Variants in MRTFB observed in about 807,000 individuals in gnomAD.
MRTFB encodes myocardin related transcription factor B.
Under a neutral mutation model 104.2 loss-of-function variants are expected in MRTFB, and 29 were observed. The ratio of observed to expected loss-of-function variants is 0.28; its 90% CI spans 0.21 to 0.38. The LOEUF is 0.38. Among genes scored for constraint, MRTFB ranks in the 10% least tolerant of loss-of-function variants. MRTFB has a pLI of 1.00. For missense variants in MRTFB, 1,270 were observed against 1,341.6 expected, an observed-to-expected ratio of 0.95 and a Z score of 0.83; for synonymous variants, 535 against 519.5, an observed-to-expected ratio of 1.03 and a Z score of -0.41.
At chr16:14,061,913 C>T in the MRTFB span, among the ~76,000 whole-genome samples, 1 of 152,098 alleles carries the variant, frequency 6.6e-6, no homozygotes. Flanking sequence ...CCAGAAATTG[C>T]TCCCTTCCTC....
intron 3 of MRTFB, chr16:14,142,605 A>G (rs1051271139): frequency 6.6e-6 from 1 of 152,234 alleles, no homozygotes; most frequent in African/African-American, 2.4e-5. Context: ...GAGAGAATAT[A>G]GCCATATTTA....
the MRTFB span, among the ~76,000 whole-genome samples, chr16:14,005,905 A>C: frequency 6.6e-6 from 1 of 152,214 alleles, no homozygotes; most frequent in African/African-American, 2.4e-5. Context: ...TTCCACTGCC[A>C]AGCTTAAGAA....
chr16:14,257,000 A>G (rs532671942), intron 15 of MRTFB, among the ~76,000 whole-genome samples: 1 of 152,364 alleles, frequency 6.6e-6, no homozygotes, highest in South Asian at 2.1e-4. Flanking sequence ...GCTCAACATC[A>G]TTAGTCATTA....
At chr16:14,174,890 G>T (rs1333334212) in intron 3 of MRTFB, among the ~76,000 whole-genome samples, 2 of 152,160 alleles carry the variant, frequency 1.3e-5, no homozygotes, top group African/African-American at 4.8e-5. Flanking sequence ...AGTTATTACA[G>T]GTGGGATTTA....
chr16:14,185,769 C>T (rs745415224), intron 3 of MRTFB, among the ~76,000 whole-genome samples: 21 of 151,886 alleles, frequency 1.4e-4, no homozygotes, highest in Non-Finnish European at 2.6e-4. Flanking sequence ...GAACTCTTTG[C>T]AAAGGAACAC....
the MRTFB span, among the ~76,000 whole-genome samples, chr16:14,033,419 T>C: frequency 5.9e-5 from 9 of 151,958 alleles, no homozygotes; most frequent in African/African-American, 1.9e-4. Context: ...TGGTGGCACA[T>C]GCCTGCGGTC....
chr16:14,251,726 C>G (rs2043264515), intron 13 of MRTFB, 136 bp from the exon 14 acceptor site: 2 of 869,148 alleles, frequency 2.3e-6, no homozygotes, highest in Admixed American at 2.5e-5. Flanking sequence ...GCCAGGTGAC[C>G]CACAAATCAT....
intron 3 of MRTFB, among the ~76,000 whole-genome samples, chr16:14,157,708 G>A (rs1467595049): frequency 6.6e-6 from 1 of 152,164 alleles, no homozygotes; most frequent in Non-Finnish European, 1.5e-5. Context: ...AGGAACTATT[G>A]AGTTTGGTTC....
the MRTFB span, among the ~76,000 whole-genome samples, chr16:14,033,891 A>G: frequency 6.6e-6 from 1 of 152,026 alleles, no homozygotes; most frequent in Non-Finnish European, 1.5e-5. Context: ...AGAAATAAAA[A>G]CTGTGTGGTG....
At position 14,248,975 on chromosome 16, in the gene MRTFB, C is replaced by G; in HGVS notation, c.2297C>G (p.Ala766Gly). ...ACTCAGCCTCAGATAGCAACTGCTG[C>G]ACAAATACCAACTGCTGCCTTGGCC... ...MQTQPQIATA[A>G]QIPTAALASG... The change falls in exon 13 of 17, where the codon GCA becomes GGA. Residue 766 changes from alanine (A) to glycine (G), a missense_variant. Around this residue, in one of 3 missense-constraint regions of MRTFB, gnomAD observed 1,144 missense variants for 1,131.5 expected, o/e 1.01. Transcript: ENST00000571589. 4 of 1,614,182 alleles carry G rather than the reference C, an allele frequency of 2.5e-6. No homozygotes were observed. In the Middle Eastern group the frequency reaches 6.6e-4, roughly 266 times the overall value.
rs769545298 is a variant in MRTFB at position 14,218,911 on chromosome 16, T to G, written c.606T>G (p.Ser202Arg). Residue 202 changes from serine to arginine, a missense_variant, in exon 8 of 17, where the codon AGT becomes AGG. Physicochemically the swap from Ser to Arg is moderately radical, Grantham distance 110. Transcript: ENST00000571589. ...SDALSPDQPASQESQGSAASP... is the reference protein window; with the variant it reads ...SDALSPDQPARQESQGSAASP... ...CTTTGTCTCCGGACCAGCCTGCGAG[T>G]CAGGAGTCACAGGGGTCAGCCGCGT... 6 of 1,614,058 alleles carry G rather than the reference T, an allele frequency of 3.7e-6. No homozygotes were observed. The highest frequency in any genetic ancestry group is 4.2e-6 in the Non-Finnish European group (5 of 1,179,998).
chr16:14,061,005 G>T, the MRTFB span, among the ~76,000 whole-genome samples: 1 of 152,146 alleles, frequency 6.6e-6, no homozygotes, highest in African/African-American at 2.4e-5. Flanking sequence ...ACTTAGCCAG[G>T]TGTGGTGGTG....
At chr16:14,170,018 A>G (rs1473756181) in intron 3 of MRTFB, 1 of 152,198 alleles carries the variant, frequency 6.6e-6, no homozygotes, top group Non-Finnish European at 1.5e-5. Context: ...TCAATAAGCT[A>G]TAAGCCCTAC....
chr16:14,253,330 G>A (rs535976040), intron 15 of MRTFB, among the ~76,000 whole-genome samples: 3 of 152,326 alleles, frequency 2.0e-5, no homozygotes, highest in Admixed American at 2.0e-4. Flanking sequence ...CGCTCCATGG[G>A]TGCTAAAGGT....
At chr16:14,159,198 C>CTTCT (rs2038938349) in intron 3 of MRTFB, among the ~76,000 whole-genome samples, 1 of 152,012 alleles carries the variant, frequency 6.6e-6, no homozygotes, top group Non-Finnish European at 1.5e-5. Context: ...AAGTTGTATT[C>CTTCT]TTCTTTATAC....
chr16:14,012,291 CTTTCTTTCTTTTT>C, the MRTFB span, among the ~76,000 whole-genome samples: 1 of 97,770 alleles, frequency 1.0e-5, no homozygotes, highest in Non-Finnish European at 2.0e-5. Context: ...TTTTCTTTTT[CTTTCTTTCTTTTT>C]TTTTTTTTTT....
intron 15 of MRTFB, among the ~76,000 whole-genome samples, chr16:14,253,332 G>A (rs2043331862): frequency 6.6e-6 from 1 of 152,198 alleles, no homozygotes; most frequent in African/African-American, 2.4e-5. Context: ...CTCCATGGGT[G>A]CTAAAGGTGG....
chr16:14,254,079 G>T (rs763559101), intron 15 of MRTFB, among the ~76,000 whole-genome samples: 5 of 152,126 alleles, frequency 3.3e-5, no homozygotes, highest in Non-Finnish European at 5.9e-5. Flanking sequence ...CAGCTGATTG[G>T]AATCTCTGGT....
At chr16:14,241,638 G>A (rs1007115601) in intron 10 of MRTFB, among the ~76,000 whole-genome samples, 8 of 148,806 alleles carry the variant, frequency 5.4e-5, no homozygotes, top group Non-Finnish European at 8.8e-5. Flanking sequence ...TACATGTCGC[G>A]TAAGCATTCC....
Sources: allele counts gnomAD v4.1 joint callset (sites outside exome capture counted in the v4.1 genomes callset), GRCh38; gene constraint gnomAD v4.1.1; regional missense constraint gnomAD v4.1.1; transcripts MANE v1.5; gene names NCBI Gene and HGNC (gene_info 2026-07-23, HGNC 2026-07-21).